CHODL: variants seen among roughly 807,000 people sequenced by gnomAD.
CHODL encodes the protein chondrolectin, also known as transmembrane protein MT75.
A neutral mutation model predicts 34.5 loss-of-function variants in CHODL; 29 were observed. That is an observed-to-expected ratio of 0.84 (90% confidence interval 0.63 to 1.15). The LOEUF (loss-of-function observed/expected upper bound fraction) is 1.15, where lower values mean the gene tolerates loss of function less well. Ranked by LOEUF, CHODL falls within the 50% of genes most tolerant of loss-of-function variation. The pLI, the probability that CHODL is intolerant of heterozygous loss-of-function variation, is 0.00. For missense variants in CHODL, 332 were observed against 332.5 expected (o/e 1.00, Z 0.01); for synonymous variants, 125 against 116.1 (o/e 1.08, Z -0.49).
chr21:18,264,601 CAAAAAAAAA>C (rs564344974), intron 5 of CHODL, among the ~76,000 whole-genome samples: 1 of 68,840 alleles, frequency 1.5e-5, no homozygotes, highest in Non-Finnish European at 3.0e-5. Flanking sequence ...GGGTCTGTCT[CAAAAAAAAA>C]AAAAAAAAAA....
chr21:18,059,661 A>G (rs1173287790), intron 2 of CHODL, among the ~76,000 whole-genome samples: 10 of 152,138 alleles, frequency 6.6e-5, no homozygotes, highest in South Asian at 4.2e-4. Context: ...AGCACCCCCA[A>G]TAGGGCCCAG....
chr21:18,195,298 C>T (rs1417232164), intron 2 of CHODL, among the ~76,000 whole-genome samples: 1 of 152,170 alleles, frequency 6.6e-6, no homozygotes, highest in Non-Finnish European at 1.5e-5. Context: ...TCGTGATCTG[C>T]CTGCCTCGGC....
chr21:18,151,715 A>T (rs1310641293), intron 2 of CHODL, among the ~76,000 whole-genome samples: 1 of 152,178 alleles, frequency 6.6e-6, no homozygotes, highest in East Asian at 1.9e-4. Flanking sequence ...GGTAGATAGT[A>T]TCAAAACTGA....
At chr21:17,972,525 G>C (rs1381824113) in intron 1 of CHODL, among the ~76,000 whole-genome samples, 2 of 152,166 alleles carry the variant, frequency 1.3e-5, no homozygotes, top group Admixed American at 6.5e-5. Flanking sequence ...CAAATCATGA[G>C]TGAACTCCCA....
intron 1 of CHODL, among the ~76,000 whole-genome samples, chr21:17,953,591 C>G (rs1464584710): frequency 6.6e-6 from 1 of 152,038 alleles, no homozygotes; most frequent in Non-Finnish European, 1.5e-5. Context: ...GCAAGAAAAT[C>G]AAATTGCAAA....
At chr21:17,927,436 A>G (rs995652333) in intron 1 of CHODL, among the ~76,000 whole-genome samples, 3 of 152,168 alleles carry the variant, frequency 2.0e-5, no homozygotes, top group Non-Finnish European at 2.9e-5. Flanking sequence ...AGGTGGTCAT[A>G]TGGTCCTGAC....
At chr21:18,265,434 G>A (rs986310284) in intron 5 of CHODL, among the ~76,000 whole-genome samples, 2 of 151,916 alleles carry the variant, frequency 1.3e-5, no homozygotes, top group African/African-American at 4.8e-5. Flanking sequence ...GAAAAACTAA[G>A]CATCGTACAT....
At chr21:18,140,023 C>T (rs1165598075) in intron 2 of CHODL, among the ~76,000 whole-genome samples, 2 of 152,130 alleles carry the variant, frequency 1.3e-5, no homozygotes, top group Non-Finnish European at 1.5e-5. Flanking sequence ...TTGTACTATT[C>T]CATCTTCTGC....
intron 1 of CHODL, among the ~76,000 whole-genome samples, chr21:18,249,256 C>G (rs1032207303): frequency 6.7e-6 from 1 of 149,414 alleles, no homozygotes; most frequent in Non-Finnish European, 1.5e-5. Flanking sequence ...TGGATGTGTG[C>G]GACTCTAGGA....
chr21:18,022,538 A>G (rs1229239532), intron 1 of CHODL: 1 of 152,128 alleles, frequency 6.6e-6, no homozygotes, highest in East Asian at 1.9e-4. Context: ...GGTCTGCTAC[A>G]TTTCCTCTTT....
intron 2 of CHODL, among the ~76,000 whole-genome samples, chr21:18,182,180 C>T (rs1006056375): frequency 6.6e-6 from 1 of 152,046 alleles, no homozygotes; most frequent in Non-Finnish European, 1.5e-5. Flanking sequence ...CCATCAGCAA[C>T]ATACGGTATC....
At chr21:18,155,970 A>C (rs2073029422) in intron 2 of CHODL, among the ~76,000 whole-genome samples, 1 of 152,198 alleles carries the variant, frequency 6.6e-6, no homozygotes, top group Admixed American at 6.5e-5. Flanking sequence ...GTGGACATGG[A>C]ATACTTATAC....
chr21:18,206,229 G>A (rs924445412), intron 2 of CHODL, among the ~76,000 whole-genome samples: 5 of 152,110 alleles, frequency 3.3e-5, no homozygotes, highest in African/African-American at 1.2e-4. Context: ...GCTAAAAGTA[G>A]GGTGTTGAAA....
Position 18,262,820 on chromosome 21 carries a change from A to AT in CHODL, c.665dup (p.Pro223ThrfsTer23). On this transcript the variant is annotated frameshift_variant, in exon 5 of 6. Coordinates refer to ENST00000299295, the MANE Select transcript of CHODL (RefSeq NM_024944.3). LOFTEE classifies it high-confidence loss of function. The stretch of plus-strand genomic sequence containing the variant: ...AATTCCCAATCTAATTTATGTTGTT[A>AT]TACCAACAATACCCCTGCTCTTACT... 2.5e-6 allele frequency: 4 copies of AT among 1,605,066 alleles called. No homozygotes were observed. The highest frequency in any genetic ancestry group is 3.4e-6 in the Non-Finnish European group (4 of 1,172,294).
intron 2 of CHODL, among the ~76,000 whole-genome samples, chr21:18,213,143 G>A (rs1367350578): frequency 6.6e-6 from 1 of 152,114 alleles, no homozygotes; most frequent in Non-Finnish European, 1.5e-5. Flanking sequence ...TGCAAGTAAT[G>A]ATTTGATCGA....
chr21:18,061,917 G>T (rs1303473341), intron 2 of CHODL, among the ~76,000 whole-genome samples: 1 of 152,160 alleles, frequency 6.6e-6, no homozygotes, highest in Non-Finnish European at 1.5e-5. Flanking sequence ...AAGATACAGT[G>T]TTTTGCAGAA....
chr21:18,260,977 AGGGATT>A (rs1009206792), intron 4 of CHODL, among the ~76,000 whole-genome samples: 3 of 152,178 alleles, frequency 2.0e-5, no homozygotes, highest in Admixed American at 1.3e-4. Flanking sequence ...GTAAATGTTT[AGGGATT>A]GGTTGGATCC....
intron 1 of CHODL, among the ~76,000 whole-genome samples, chr21:17,981,383 G>A (rs981424670): frequency 1.3e-5 from 2 of 152,130 alleles, no homozygotes; most frequent in Non-Finnish European, 2.9e-5. Flanking sequence ...CATGGGCAGC[G>A]TTTGTTTCTT....
At chr21:18,105,470 A>T (rs1383561054) in intron 2 of CHODL, among the ~76,000 whole-genome samples, 1 of 152,122 alleles carries the variant, frequency 6.6e-6, no homozygotes, top group African/African-American at 2.4e-5. Flanking sequence ...AAGTCAGTCA[A>T]AGTTGGATTT....
Sources: allele counts gnomAD v4.1 joint callset (sites outside exome capture counted in the v4.1 genomes callset), GRCh38; gene constraint gnomAD v4.1.1; transcripts MANE v1.5; gene names NCBI Gene and HGNC (gene_info 2026-07-23, HGNC 2026-07-21).